Variants in TPST2 observed in about 807,000 individuals in gnomAD.
TPST2 encodes tyrosylprotein sulfotransferase 2.
Under a neutral mutation model 27.8 loss-of-function variants are expected in TPST2, and 16 were observed. That is an observed-to-expected ratio of 0.58 (90% CI 0.39 to 0.88). The LOEUF is 0.88. Ranked by LOEUF, TPST2 falls within the 40% of genes least tolerant of loss-of-function variation. The pLI is 0.00. For missense variants in TPST2, 464 were observed against 543.1 expected (o/e 0.85, Z 1.45); for synonymous variants, 229 against 231.7 (o/e 0.99, Z 0.10).
intron 1 of TPST2, among the ~76,000 whole-genome samples, chr22:26,568,890 A>AG (rs60280384): frequency 1 from 144,155 of 144,162 alleles, 72,074 homozygotes; most frequent in Middle Eastern, 1. Context: ...TTTGAGACGG[A>AG]TCTCGCTCTG....
intron 5 of TPST2, among the ~76,000 whole-genome samples, chr22:26,532,405 C>T (rs1468244899): frequency 2.0e-5 from 3 of 152,220 alleles, no homozygotes; most frequent in East Asian, 1.9e-4. Flanking sequence ...CTCAGCCTCC[C>T]AAGTAGCTGG....
intron 1 of TPST2, among the ~76,000 whole-genome samples, chr22:26,585,256 C>A (rs570591064): frequency 6.6e-6 from 1 of 152,194 alleles, no homozygotes; most frequent in Non-Finnish European, 1.5e-5. Context: ...CAAAGTCACT[C>A]GGCAGACGGG....
Position 26,528,246 on chromosome 22 carries a change from G to T in TPST2, c.1109C>A (p.Thr370Asn), listed in dbSNP as rs1420095816. Residue 370 changes from threonine to asparagine, a missense_variant, in exon 6 of 7, where the codon ACC (threonine) becomes AAC (asparagine). Transcript: ENST00000338754. Reference protein sequence around the residue: ...KGYFQVNQNSTSSHLGSS With the variant: ...KGYFQVNQNSNSSHLGSS Reference sequence around the variant, plus strand: ...TCACGAGCTTCCTAAGTGGGAGGAGGTGCTGTTCTGGTTCACCTGGAGAAA... The same window carrying T: ...TCACGAGCTTCCTAAGTGGGAGGAGTTGCTGTTCTGGTTCACCTGGAGAAA... 1 of 1,564,264 alleles carries T rather than the reference G, an allele frequency of 6.4e-7. No homozygotes were observed. Among genetic ancestry groups the T allele is most frequent in the Admixed American group, 1.9e-5 (1 of 53,028 alleles).
At chr22:26,575,374 A>G (rs1047307688) in intron 1 of TPST2, among the ~76,000 whole-genome samples, 6 of 152,114 alleles carry the variant, frequency 3.9e-5, no homozygotes, top group African/African-American at 1.4e-4. Context: ...CTCCCAAATA[A>G]TTACGGCAAT....
intron 1 of TPST2, among the ~76,000 whole-genome samples, chr22:26,551,452 C>T (rs528060661): frequency 1.2e-3 from 177 of 152,184 alleles, no homozygotes; most frequent in Non-Finnish European, 2.2e-3. Flanking sequence ...GGCTCAGAGA[C>T]GTAAAGGAAC....
chr22:26,551,043 C>T (rs1004063102), intron 1 of TPST2, among the ~76,000 whole-genome samples: 1 of 152,194 alleles, frequency 6.6e-6, no homozygotes, highest in African/African-American at 2.4e-5. Context: ...CCTATAATCC[C>T]GGCACTTTGG....
intron 1 of TPST2, among the ~76,000 whole-genome samples, chr22:26,589,758 C>G (rs1206373725): frequency 1.3e-5 from 2 of 152,172 alleles, no homozygotes; most frequent in Non-Finnish European, 2.9e-5. Context: ...CTGAGCGTCT[C>G]CCAGGCGCTG....
intron 1 of TPST2, among the ~76,000 whole-genome samples, chr22:26,560,034 T>C (rs113877294): frequency 2.2e-3 from 339 of 152,274 alleles, no homozygotes; most frequent in African/African-American, 7.9e-3. Flanking sequence ...GATTTCTAGA[T>C]TTGATGCATA....
chr22:26,577,639 G>A (rs1720784827), intron 1 of TPST2, among the ~76,000 whole-genome samples: 2 of 146,302 alleles, frequency 1.4e-5, no homozygotes, highest in Non-Finnish European at 3.0e-5. Flanking sequence ...GTGAGCCACT[G>A]CACCCGGCCA....
chr22:26,562,088 C>T (rs997053111), intron 1 of TPST2, among the ~76,000 whole-genome samples: 3 of 152,230 alleles, frequency 2.0e-5, no homozygotes, highest in Non-Finnish European at 4.4e-5. Flanking sequence ...CCCACACAGC[C>T]TCAATCCACA....
At chr22:26,575,293 G>A (rs1001248656) in intron 1 of TPST2, among the ~76,000 whole-genome samples, 17 of 152,230 alleles carry the variant, frequency 1.1e-4, no homozygotes, top group African/African-American at 3.1e-4. Context: ...CTTTGACACC[G>A]AATGCCTTCT....
At chr22:26,560,825 G>A (rs781618153) in intron 1 of TPST2, 53 of 1,516,118 alleles carry the variant, frequency 3.5e-5, no homozygotes, top group Admixed American at 1.2e-4. Flanking sequence ...GGACTCCTTC[G>A]GCCTTCTTCC....
intron 1 of TPST2, among the ~76,000 whole-genome samples, chr22:26,574,827 G>A (rs1001056129): frequency 6.6e-6 from 1 of 152,078 alleles, no homozygotes; most frequent in Admixed American, 6.5e-5. Flanking sequence ...GCCCCGCCAG[G>A]GACTTGCCAC....
chr22:26,582,352 G>A (rs1291947946), intron 1 of TPST2, among the ~76,000 whole-genome samples: 2 of 152,090 alleles, frequency 1.3e-5, no homozygotes, highest in Non-Finnish European at 2.9e-5. Flanking sequence ...GCTTGAACCC[G>A]GGAGGCAGAG....
At chr22:26,549,656 CAAAAA>C (rs71192939) in intron 1 of TPST2, among the ~76,000 whole-genome samples, 1 of 58,674 alleles carries the variant, frequency 1.7e-5, no homozygotes, top group African/African-American at 8.1e-5. Flanking sequence ...GACTCCGTCT[CAAAAA>C]AAAAAAAAAA....
At chr22:26,557,343 T>C (rs6005080) in intron 1 of TPST2, among the ~76,000 whole-genome samples, 1,682 of 152,246 alleles carry the variant, frequency 0.011, 33 homozygotes, top group African/African-American at 0.037. Context: ...TCACCTCCAC[T>C]CTCTGGGCCT....
rs186979081 is a variant in TPST2, at chr22:26,526,929, T to G, written c.*8-662A>C. On this transcript the variant is annotated intron_variant, in intron 6 of 6. Coordinates refer to ENST00000338754, the MANE Select transcript of TPST2 (RefSeq NM_003595.5). ...CCCGTCTCTACTAAAAATACAAAAA[T>G]TAGCTGGGTGTGGTAGCGCACACTT... Among the ~76,000 whole-genome samples the G allele has an allele frequency of 4.2e-4, 64 of 152,108 alleles. 3 individuals are homozygous for G. In the East Asian group the frequency reaches 0.011, roughly 26 times the overall value.
chr22:26,566,105 C>T (rs944654209), intron 1 of TPST2, among the ~76,000 whole-genome samples: 26 of 152,174 alleles, frequency 1.7e-4, no homozygotes, highest in African/African-American at 4.8e-4. Context: ...TTGTGGTTGA[C>T]GTGGTGGGCA....
chr22:26,550,701 C>T, intron 1 of TPST2: 1 of 977,424 alleles, frequency 1.0e-6, no homozygotes. Flanking sequence ...CATGGCTATT[C>T]CCAACCCTAC....
Sources: gnomAD v4.1 joint callset for allele counts (sites outside exome capture counted in the v4.1 genomes callset) on GRCh38, gnomAD v4.1.1 for gene constraint, MANE v1.5 for transcripts, NCBI Gene and HGNC (gene_info 2026-07-23, HGNC 2026-07-21) for gene names.